The following RP1 variants were observed in gnomAD, a reference collection of about 807,000 sequenced individuals.
The protein encoded by RP1 is oxygen-regulated protein 1.
In RP1, 16 loss-of-function variants were observed where a neutral mutation model predicts 14.8. That is an observed-to-expected ratio of 1.08 (90% CI 0.73 to 1.65). The LOEUF (loss-of-function observed/expected upper bound fraction) is 1.65. RP1 is among the 40% of genes most tolerant of loss of function. RP1 has a pLI of 0.00. For synonymous variants in RP1, 876 were observed against 883.6 expected (o/e 0.99, Z 0.15); for missense variants, 2,631 against 2,535.0 (o/e 1.04, Z -0.81).
At chr8:54,828,713 T>C (rs1811444606) in intron 24 of RP1, among the ~76,000 whole-genome samples, 1 of 152,084 alleles carries the variant, frequency 6.6e-6, no homozygotes, top group Admixed American at 6.5e-5. Flanking sequence ...TGCTATACTT[T>C]TATATGACTT....
chr8:54,755,310 C>T (rs1315477394), intron 20 of RP1, among the ~76,000 whole-genome samples: 1 of 152,132 alleles, frequency 6.6e-6, no homozygotes, highest in African/African-American at 2.4e-5. Flanking sequence ...TCACCTTTAC[C>T]ACTAAAATAC....
chr8:54,767,649 C>T (rs1809793087), intron 22 of RP1, among the ~76,000 whole-genome samples: 1 of 152,122 alleles, frequency 6.6e-6, no homozygotes, highest in Admixed American at 6.5e-5. Flanking sequence ...TGTGAGCCAC[C>T]TTGCTGGGCC....
At position 54,862,444 on chromosome 8, in the gene RP1, T is replaced by C. The variant is rs1812362613; in HGVS notation, c.4070-3391T>C. On this transcript the variant is annotated intron_variant, in intron 27 of 28. Coordinates refer to the RP1 transcript ENST00000637698. ...AGCATTCTTTCTTCTTCTCTTTTTT[T>C]ATCCTTAACTGAATTTCTTTGTCTG... Among the ~76,000 whole-genome samples, 7 of 152,222 alleles carry C rather than the reference T, an allele frequency of 4.6e-5. No individual in the cohort carries two copies. In the South Asian group the frequency reaches 1.4e-3, roughly 31 times the overall value.
intron 22 of RP1, among the ~76,000 whole-genome samples, chr8:54,762,423 A>G (rs1183502501): frequency 6.6e-6 from 1 of 152,152 alleles, no homozygotes; most frequent in East Asian, 1.9e-4. Context: ...TCTTCAACTG[A>G]ACACCCACGT....
At chr8:54,575,980 G>C (rs78361682) in intron 1 of RP1, among the ~76,000 whole-genome samples, 8,512 of 151,944 alleles carry the variant, frequency 0.056, 326 homozygotes, top group Non-Finnish European at 0.081. Context: ...GCATTAAAAG[G>C]TTCCCACCTG....
intron 24 of RP1, among the ~76,000 whole-genome samples, chr8:54,788,472 T>C (rs1457929655): frequency 6.6e-6 from 1 of 151,780 alleles, no homozygotes; most frequent in Non-Finnish European, 1.5e-5. Context: ...ATTCTTTCCT[T>C]TTTTTTTGTT....
At chr8:54,680,457 C>T (rs1195600124) in intron 12 of RP1, among the ~76,000 whole-genome samples, 1 of 152,094 alleles carries the variant, frequency 6.6e-6, no homozygotes, top group Non-Finnish European at 1.5e-5. Flanking sequence ...ACCCAAACCT[C>T]CAACTCTTTT....
chr8:54,598,942 T>G (rs975769036), intron 1 of RP1, among the ~76,000 whole-genome samples: 7 of 152,214 alleles, frequency 4.6e-5, no homozygotes, highest in African/African-American at 1.7e-4. Context: ...ATGGTGTGTC[T>G]TAGTGTAAAT....
intron 3 of RP1, among the ~76,000 whole-genome samples, chr8:54,644,488 C>A (rs1806507847): frequency 6.6e-6 from 1 of 152,198 alleles, no homozygotes; most frequent in Admixed American, 6.5e-5. Context: ...CACAAGGACA[C>A]AAGGGTTCTT....
chr8:54,611,954 G>A (rs778060085), upstream of RP1, among the ~76,000 whole-genome samples: 33 of 135,144 alleles, frequency 2.4e-4, no homozygotes, highest in Non-Finnish European at 3.5e-4. Flanking sequence ...TTATTTGTAC[G>A]GTTTCTCTTT....
intron 1 of RP1, among the ~76,000 whole-genome samples, chr8:54,606,530 C>G (rs1805448985): frequency 6.6e-6 from 1 of 152,094 alleles, no homozygotes; most frequent in African/African-American, 2.4e-5. Flanking sequence ...CTTGGAGTTG[C>G]TCTTCTCGAG....
chr8:54,752,652 A>G (rs1809403285), intron 19 of RP1, among the ~76,000 whole-genome samples: 1 of 152,216 alleles, frequency 6.6e-6, no homozygotes, highest in South Asian at 2.1e-4. Flanking sequence ...CCAGGACGCC[A>G]TGCCATCATC....
At chr8:54,850,237 C>A (rs1392028140) in intron 25 of RP1, among the ~76,000 whole-genome samples, 2 of 152,104 alleles carry the variant, frequency 1.3e-5, no homozygotes, top group African/African-American at 4.8e-5. Context: ...TATCTGTAGC[C>A]TGAATGACAG....
chr8:54,795,333 C>T (rs1810554841), intron 24 of RP1, among the ~76,000 whole-genome samples: 1 of 152,044 alleles, frequency 6.6e-6, no homozygotes, highest in Non-Finnish European at 1.5e-5. Context: ...CACCTTATCT[C>T]TCCATCAATG....
intron 22 of RP1, among the ~76,000 whole-genome samples, chr8:54,765,434 G>A (rs1339835231): frequency 6.6e-6 from 1 of 152,188 alleles, no homozygotes; most frequent in Admixed American, 6.5e-5. Flanking sequence ...AAAGAAGCAG[G>A]GGCAGCCCTG....
intron 15 of RP1, among the ~76,000 whole-genome samples, chr8:54,717,875 A>C (rs940722461): frequency 2.0e-5 from 3 of 152,160 alleles, no homozygotes; most frequent in African/African-American, 7.2e-5. Context: ...CAGAATCAGT[A>C]AGTGTTTATA....
chr8:54,672,119 A>C (rs1172264847), intron 7 of RP1, among the ~76,000 whole-genome samples: 1 of 152,154 alleles, frequency 6.6e-6, no homozygotes, highest in Non-Finnish European at 1.5e-5. Context: ...CAGAGCCCAC[A>C]ATCTCCTGCT....
intron 17 of RP1, among the ~76,000 whole-genome samples, chr8:54,731,013 A>G (rs1163442163): frequency 1.3e-5 from 2 of 152,108 alleles, no homozygotes; most frequent in African/African-American, 2.4e-5. Context: ...GTTAGAATAA[A>G]TCAGTTTTCT....
At position 54,630,653 on chromosome 8, in the gene RP1, G is replaced by A. The variant is rs911590962; in HGVS notation, c.*300G>A. 4.3e-6 allele frequency: 5 copies of A among 1,169,560 alleles called. No individual in the cohort carries two copies. In the African/African-American group the frequency reaches 6.5e-5, roughly 15 times the overall value. The allele number at this position is 1,169,560 out of a possible 1,614,324, so 72.4% of individuals were successfully genotyped here. On this transcript the variant is annotated 3_prime_UTR_variant, in exon 4 of 4. Transcript: ENST00000220676. The stretch of plus-strand genomic sequence containing the variant: ...TTTTTTGCTCAGGGCATCAAAATGT[G>A]CTAAGGACAAGAATTATATCCTTTT...
Sources: allele counts gnomAD v4.1 joint callset (sites outside exome capture counted in the v4.1 genomes callset), GRCh38; gene constraint gnomAD v4.1.1; transcripts MANE v1.5; gene names NCBI Gene and HGNC (gene_info 2026-07-23, HGNC 2026-07-21).